MYT1L: variants seen among roughly 807,000 people sequenced by gnomAD.
MYT1L encodes the protein myelin transcription factor 1 like, also known as myelin transcription factor 1-like protein.
Under a neutral mutation model 126.7 loss-of-function variants are expected in MYT1L, and 12 were observed. That is an observed-to-expected ratio of 0.09 (90% CI 0.06 to 0.15). The LOEUF (loss-of-function observed/expected upper bound fraction) is 0.15, where lower values mean the gene tolerates loss of function less well. Among genes scored for constraint, MYT1L ranks in the 10% least tolerant of loss-of-function variants. The pLI is 1.00. For missense variants in MYT1L, 979 were observed against 1,585.2 expected, an observed-to-expected ratio of 0.62 and a Z score of 6.49; for synonymous variants, 541 against 604.2, an observed-to-expected ratio of 0.90 and a Z score of 1.53.
chr2:1,890,520 A>C (rs71442305), intron 15 of MYT1L, among the ~76,000 whole-genome samples: 7,419 of 152,208 alleles, frequency 0.049, 223 homozygotes, highest in African/African-American at 0.062. Flanking sequence ...TTAAAAAAAA[A>C]CCCCAAAGAG....
chr2:1,791,087 C>T lies in MYT1L; in HGVS notation c.*780G>A, dbSNP rs1461035431. ...AGTTTCCATAGTCACAACCATGTAACGCTTAGGAGTTAATTTAAAAGTGCT... is the reference window on the plus strand; with the variant it reads ...AGTTTCCATAGTCACAACCATGTAATGCTTAGGAGTTAATTTAAAAGTGCT... On this transcript the variant is annotated 3_prime_UTR_variant, in exon 25 of 25. Transcript: ENST00000647738. This position sits in a 1 kb window ranked among gnomAD's most constrained non-coding sequence, Gnocchi z 6.0. 2 of 393,342 alleles carry T rather than the reference C, an allele frequency of 5.1e-6. No individual in the cohort carries two copies. The highest frequency in any genetic ancestry group is 2.1e-5 in the South Asian group (1 of 48,608). The allele number at this position is 393,342 out of a possible 1,614,324, so 24.4% of individuals were successfully genotyped here.
chr2:1,911,930 C>T (rs1290821031), intron 12 of MYT1L, 90 bp downstream of exon 12: 9 of 1,011,158 alleles, frequency 8.9e-6, no homozygotes, highest in East Asian at 2.7e-5. Flanking sequence ...TGGGGAGCAC[C>T]ATATGGAGCG....
At chr2:2,068,213 G>C (rs367676040) in intron 3 of MYT1L, among the ~76,000 whole-genome samples, 6 of 152,268 alleles carry the variant, frequency 3.9e-5, no homozygotes, top group African/African-American at 1.4e-4. Flanking sequence ...GGGATGAGCT[G>C]AGGACATGAG....
At chr2:2,130,210 C>T (rs914239565) in intron 3 of MYT1L, among the ~76,000 whole-genome samples, 7 of 151,850 alleles carry the variant, frequency 4.6e-5, no homozygotes, top group African/African-American at 1.7e-4. Context: ...GGTAGCAGCA[C>T]GAGGAGCTGA....
At chr2:2,165,353 C>T (rs1484062785) in intron 3 of MYT1L, among the ~76,000 whole-genome samples, 10 of 152,022 alleles carry the variant, frequency 6.6e-5, no homozygotes, top group Middle Eastern at 3.2e-3. Flanking sequence ...CACACACACA[C>T]GTGCACACAG....
At chr2:2,192,999 G>A (rs1313125628) in intron 2 of MYT1L, among the ~76,000 whole-genome samples, 1 of 152,020 alleles carries the variant, frequency 6.6e-6, no homozygotes, top group Non-Finnish European at 1.5e-5. Context: ...GTCTCACTCT[G>A]TCACCCAGAC....
chr2:2,317,304 G>A (rs991603745), intron 1 of MYT1L, among the ~76,000 whole-genome samples: 10 of 152,114 alleles, frequency 6.6e-5, no homozygotes, highest in South Asian at 6.2e-4. Context: ...CAAGGGGCCC[G>A]TCGGTGTGGT....
At chr2:2,188,305 C>T (rs2092350075) in intron 2 of MYT1L, among the ~76,000 whole-genome samples, 2 of 152,156 alleles carry the variant, frequency 1.3e-5, no homozygotes, top group African/African-American at 4.8e-5. Context: ...AAAAACGATT[C>T]TGCTATTTGG....
At chr2:1,960,464 T>G (rs979315920) in intron 8 of MYT1L, among the ~76,000 whole-genome samples, 2 of 152,258 alleles carry the variant, frequency 1.3e-5, no homozygotes, top group African/African-American at 2.4e-5. Flanking sequence ...TTTGAAATTT[T>G]TGTGTCCAAG....
intron 4 of MYT1L, among the ~76,000 whole-genome samples, chr2:2,001,051 A>G (rs1479584158): frequency 6.6e-6 from 1 of 152,024 alleles, no homozygotes; most frequent in Non-Finnish European, 1.5e-5. Context: ...AGGTTTGTCA[A>G]CCTTTTTTCA....
intron 3 of MYT1L, among the ~76,000 whole-genome samples, chr2:2,099,259 C>G (rs1462774719): frequency 2.6e-5 from 4 of 152,120 alleles, no homozygotes; most frequent in East Asian, 1.9e-4. Context: ...AGCAAATCAT[C>G]TGTGTGTGTG....
At chr2:2,264,884 T>C (rs1260450907) in intron 2 of MYT1L, among the ~76,000 whole-genome samples, 1 of 152,032 alleles carries the variant, frequency 6.6e-6, no homozygotes, top group African/African-American at 2.4e-5. Flanking sequence ...AATACCAGAA[T>C]GAATGTTAAA....
intron 9 of MYT1L, among the ~76,000 whole-genome samples, chr2:1,927,017 T>C (rs1489923448): frequency 6.6e-6 from 1 of 152,186 alleles, no homozygotes; most frequent in African/African-American, 2.4e-5. Context: ...CTCCCTTTTT[T>C]TGGTTTTCTA....
intron 2 of MYT1L, among the ~76,000 whole-genome samples, chr2:2,264,976 T>G (rs1049967781): frequency 1.3e-5 from 2 of 151,986 alleles, no homozygotes; most frequent in African/African-American, 4.8e-5. Context: ...AAATTCCTGC[T>G]CTATAACTTA....
chr2:2,240,776 G>T (rs2149135695), intron 2 of MYT1L, among the ~76,000 whole-genome samples: 1 of 152,328 alleles, frequency 6.6e-6, no homozygotes, highest in Non-Finnish European at 1.5e-5. Flanking sequence ...CTCCCCGCCA[G>T]CCCCGCGTGC....
chr2:1,967,011 T>C (rs895945535), intron 8 of MYT1L, among the ~76,000 whole-genome samples: 1 of 152,210 alleles, frequency 6.6e-6, no homozygotes, highest in Non-Finnish European at 1.5e-5. Context: ...TTTTCTTTTT[T>C]AAAATTAATT....
chr2:1,934,181 A>C (rs184565192), intron 9 of MYT1L, among the ~76,000 whole-genome samples: 8 of 151,234 alleles, frequency 5.3e-5, no homozygotes, highest in South Asian at 2.1e-4. Context: ...TCATCGTGTT[A>C]GCCAGGATGG....
chr2:1,889,412 C>T lies in MYT1L; in HGVS notation c.2349G>A (p.Arg783=). ...GGGTCAGGATGGGGCAGCAGCTGTCCCGCGGCCTCTGCTTGTTCATGCTGA... is the reference window on the plus strand; with the variant it reads ...GGGTCAGGATGGGGCAGCAGCTGTCTCGCGGCCTCTGCTTGTTCATGCTGA... ...LDLSMNKQRP[R]DSCCPILTPL... The change falls in exon 16 of 25, where the codon CGG becomes CGA. Residue 783 remains arginine (R), a synonymous_variant. Coordinates refer to ENST00000647738, the MANE Select transcript of MYT1L (RefSeq NM_001303052.2). This position sits in a 1 kb window ranked among gnomAD's most constrained non-coding sequence, Gnocchi z 4.1. 6.2e-7 allele frequency: 1 copy of T among 1,613,774 alleles called. No homozygotes were observed. The highest frequency in any genetic ancestry group is 8.5e-7 in the Non-Finnish European group (1 of 1,179,796).
At chr2:2,201,602 G>A (rs2093075022) in intron 2 of MYT1L, among the ~76,000 whole-genome samples, 2 of 151,844 alleles carry the variant, frequency 1.3e-5, no homozygotes, top group South Asian at 4.2e-4. Flanking sequence ...GGAGGCTGAG[G>A]CAGGAGAATC....
Sources: allele counts gnomAD v4.1 joint callset (sites outside exome capture counted in the v4.1 genomes callset), GRCh38; gene constraint gnomAD v4.1.1; non-coding constraint Gnocchi (gnomAD v3.1); transcripts MANE v1.5; gene names NCBI Gene and HGNC (gene_info 2026-07-23, HGNC 2026-07-21).